OPHN1: variants seen among roughly 807,000 people sequenced by gnomAD.
OPHN1 encodes oligophrenin-1.
A neutral mutation model predicts 60.7 loss-of-function variants in OPHN1; 11 were observed. The observed-to-expected ratio is 0.18, with a 90% CI of 0.11 to 0.30. The LOEUF (loss-of-function observed/expected upper bound fraction) is 0.30, where lower values mean the gene tolerates loss of function less well. Ranked by LOEUF, OPHN1 falls within the 10% of genes least tolerant of loss-of-function variation. OPHN1 has a pLI of 1.00. For missense variants in OPHN1, 449 were observed against 611.0 expected, an observed-to-expected ratio of 0.73 and a Z score of 2.80; for synonymous variants, 226 against 222.6, an observed-to-expected ratio of 1.02 and a Z score of -0.14.
chrX:68,395,667 G>A (rs2078680065), intron 2 of OPHN1, among the ~76,000 whole-genome samples: 1 of 107,318 alleles, frequency 9.3e-6, no homozygotes, highest in East Asian at 3.0e-4. Context: ...GGCTGTTCTC[G>A]AACTCCCGAC....
intron 19 of OPHN1, among the ~76,000 whole-genome samples, chrX:68,094,934 C>A (rs1427183644): frequency 9.0e-6 from 1 of 111,166 alleles, no homozygotes; most frequent in East Asian, 2.8e-4. Context: ...CATTCCTCTA[C>A]TCCCTATCGA....
At chrX:68,410,224 G>A (rs1407415488) in intron 2 of OPHN1, among the ~76,000 whole-genome samples, 1 of 111,812 alleles carries the variant, frequency 8.9e-6, no homozygotes, top group Admixed American at 9.6e-5. Context: ...CACAGACTGA[G>A]TAATTTATAA....
intron 20 of OPHN1, chrX:68,070,600 CAT>C (rs1345746840): frequency 1.2e-5 from 8 of 673,997 alleles, no homozygotes; most frequent in South Asian, 2.2e-5. Flanking sequence ...GTAGTGCTCA[CAT>C]GTCTGATTTT....
chrX:68,234,640 T>C, intron 5 of OPHN1, 52 bp from the exon 6 acceptor site: 2 of 925,562 alleles, frequency 2.2e-6, no homozygotes, highest in Non-Finnish European at 3.1e-6. Context: ...TGTAACTCTG[T>C]CTGCTTAGAA....
intron 20 of OPHN1, chrX:68,070,853 G>A: frequency 8.5e-7 from 1 of 1,180,895 alleles, no homozygotes; most frequent in East Asian, 3.0e-5. Context: ...CAGCCAGCAG[G>A]TATGCCAGAA....
At chrX:68,182,188 G>GTTTT (rs397951860) in intron 15 of OPHN1, among the ~76,000 whole-genome samples, 609 of 46,085 alleles carry the variant, frequency 0.013, 24 homozygotes, top group African/African-American at 0.022. Context: ...AAGCTCTGTA[G>GTTTT]TTTTTTTTTT....
chrX:68,176,416 G>A (rs768521027), intron 15 of OPHN1, among the ~76,000 whole-genome samples: 1 of 111,638 alleles, frequency 9.0e-6, no homozygotes, highest in South Asian at 3.7e-4. Context: ...TAGCCCGTGA[G>A]CACATGAAAA....
chrX:68,239,219 TG>T (rs67901004), intron 5 of OPHN1, among the ~76,000 whole-genome samples: 179 of 6,973 alleles, frequency 0.026, 1 homozygote, highest in East Asian at 0.25. Flanking sequence ...CAACTGCTGG[TG>T]TCTGCCGGTG....
chrX:68,066,343 G>A (rs775598314), intron 20 of OPHN1, among the ~76,000 whole-genome samples: 1 of 111,554 alleles, frequency 9.0e-6, no homozygotes, highest in Non-Finnish European at 1.9e-5. Context: ...TGCCCTACAG[G>A]CCATAGAGTA....
chrX:68,417,479 C>T (rs1217224249), intron 2 of OPHN1, among the ~76,000 whole-genome samples: 1 of 112,014 alleles, frequency 8.9e-6, no homozygotes, highest in Non-Finnish European at 1.9e-5. Flanking sequence ...AAGAAGTTTC[C>T]CTCTATCAGT....
chrX:68,142,887 T>C (rs1446534488), intron 15 of OPHN1, among the ~76,000 whole-genome samples: 2 of 112,322 alleles, frequency 1.8e-5, no homozygotes, highest in African/African-American at 6.5e-5. Context: ...GTACTACTAC[T>C]GGTATATATT....
intron 6 of OPHN1, among the ~76,000 whole-genome samples, chrX:68,227,745 C>A: frequency 9.0e-6 from 1 of 111,036 alleles, no homozygotes; most frequent in Non-Finnish European, 1.9e-5. Flanking sequence ...CTCTGGGACA[C>A]AGTTAGAGCA....
intron 19 of OPHN1, among the ~76,000 whole-genome samples, chrX:68,094,808 G>C (rs1489911603): frequency 9.0e-6 from 1 of 110,996 alleles, no homozygotes; most frequent in African/African-American, 3.3e-5. Context: ...ATCCACTCTA[G>C]CTAGTCTGGC....
intron 21 of OPHN1, among the ~76,000 whole-genome samples, chrX:68,059,524 G>A (rs1467876402): frequency 1.8e-5 from 2 of 111,833 alleles, no homozygotes; most frequent in Non-Finnish European, 3.8e-5. Flanking sequence ...TCCAAGAAAA[G>A]TAGAGAATAA....
At chrX:68,301,445 CAAA>C (rs56927719) in intron 2 of OPHN1, among the ~76,000 whole-genome samples, 4 of 35,354 alleles carry the variant, frequency 1.1e-4, no homozygotes, top group African/African-American at 3.6e-4. Context: ...GACTCCATCT[CAAA>C]AAAAAAAAAA....
At chrX:68,151,391 G>A (rs765498824) in intron 15 of OPHN1, among the ~76,000 whole-genome samples, 1 of 112,056 alleles carries the variant, frequency 8.9e-6, no homozygotes, top group African/African-American at 3.2e-5. Context: ...GTAGGTATGA[G>A]TCAATTGAGG....
intron 2 of OPHN1, among the ~76,000 whole-genome samples, chrX:68,388,297 T>TAAAATTA: frequency 9.4e-6 from 1 of 105,976 alleles, no homozygotes; most frequent in African/African-American, 3.4e-5. Context: ...CTGTCTCTAC[T>TAAAATTA]CAAAATACAA....
chrX:68,064,544 C>A (rs1036371937), intron 20 of OPHN1, among the ~76,000 whole-genome samples: 1 of 112,485 alleles, frequency 8.9e-6, no homozygotes, highest in Non-Finnish European at 1.9e-5. Flanking sequence ...TAATTCTTAA[C>A]CACTTCTCTG....
At chrX:68,076,505 C>T (rs1435021625) in intron 19 of OPHN1, among the ~76,000 whole-genome samples, 2 of 111,207 alleles carry the variant, frequency 1.8e-5, no homozygotes, top group Non-Finnish European at 3.8e-5. Flanking sequence ...TCTCTAGACC[C>T]AGAGAGTTTA....
Sources: allele counts gnomAD v4.1 joint callset (sites outside exome capture counted in the v4.1 genomes callset), GRCh38; gene constraint gnomAD v4.1.1; transcripts MANE v1.5; gene names NCBI Gene and HGNC (gene_info 2026-07-23, HGNC 2026-07-21).